Variants in TBC1D12 observed in about 807,000 individuals in gnomAD.
TBC1D12 encodes the protein TBC1 domain family, member 12.
A neutral mutation model predicts 86.7 loss-of-function variants in TBC1D12; 56 were observed. The observed-to-expected ratio is 0.65, with a 90% CI of 0.52 to 0.81. TBC1D12 has a LOEUF of 0.81. Ranked by LOEUF, TBC1D12 falls within the 30% of genes least tolerant of loss-of-function variation. TBC1D12 has a pLI of 0.00. For missense variants in TBC1D12, 1,023 were observed against 1,038.8 expected, an observed-to-expected ratio of 0.98 and a Z score of 0.21; for synonymous variants, 421 against 411.7, an observed-to-expected ratio of 1.02 and a Z score of -0.27.
chr10:94,498,217 T>C (rs1217004669), intron 5 of TBC1D12, among the ~76,000 whole-genome samples: 1 of 152,174 alleles, frequency 6.6e-6, no homozygotes, highest in African/African-American at 2.4e-5. Flanking sequence ...AATATATAAA[T>C]GTATTAGAAG....
At chr10:94,511,238 C>G (rs960067787) in intron 8 of TBC1D12, among the ~76,000 whole-genome samples, 3 of 151,278 alleles carry the variant, frequency 2.0e-5, no homozygotes, top group Non-Finnish European at 4.4e-5. Context: ...GCTGGAATTA[C>G]AGGCGTATGA....
intron 11 of TBC1D12, among the ~76,000 whole-genome samples, chr10:94,525,853 G>A (rs1306773297): frequency 4.0e-5 from 6 of 151,894 alleles, no homozygotes; most frequent in Admixed American, 6.6e-5. Context: ...TATCCATGGG[G>A]TACATAGTGA....
At chr10:94,422,579 T>C (rs2055090465) in intron 1 of TBC1D12, among the ~76,000 whole-genome samples, 1 of 152,100 alleles carries the variant, frequency 6.6e-6, no homozygotes, top group Non-Finnish European at 1.5e-5. Context: ...AAACAGTTTG[T>C]TTATTAATTT....
chr10:94,414,338 G>A (rs2054969793), intron 1 of TBC1D12, among the ~76,000 whole-genome samples: 1 of 152,206 alleles, frequency 6.6e-6, no homozygotes, highest in South Asian at 2.1e-4. Context: ...GAATGAGTTT[G>A]AAGATATTCG....
At chr10:94,487,127 CT>C (rs2056175498) in intron 3 of TBC1D12, among the ~76,000 whole-genome samples, 1 of 151,934 alleles carries the variant, frequency 6.6e-6, no homozygotes, top group Admixed American at 6.6e-5. Context: ...TATAGCGACT[CT>C]TTCTCCTTTT....
At chr10:94,432,226 G>A (rs2055227294) in intron 1 of TBC1D12, among the ~76,000 whole-genome samples, 1 of 152,116 alleles carries the variant, frequency 6.6e-6, no homozygotes, top group African/African-American at 2.4e-5. Context: ...TGAGACATCA[G>A]CTTTTCAGGC....
chr10:94,521,508 T>G (rs938591454), intron 9 of TBC1D12, among the ~76,000 whole-genome samples: 1 of 152,170 alleles, frequency 6.6e-6, no homozygotes, highest in Non-Finnish European at 1.5e-5. Flanking sequence ...AACGTCTCCT[T>G]TCTTGGTATT....
intron 2 of TBC1D12, among the ~76,000 whole-genome samples, chr10:94,471,569 CTTTG>C (rs1185832767): frequency 3.3e-5 from 5 of 152,150 alleles, no homozygotes; most frequent in Non-Finnish European, 7.4e-5. Context: ...TGATCCATGC[CTTTG>C]TTTGCTCCTG....
At chr10:94,458,771 G>T (rs576719418) in intron 2 of TBC1D12, among the ~76,000 whole-genome samples, 1 of 152,142 alleles carries the variant, frequency 6.6e-6, no homozygotes, top group East Asian at 1.9e-4. Context: ...GGAGTTGTTC[G>T]TTCCTTCCAT....
intron 11 of TBC1D12, among the ~76,000 whole-genome samples, chr10:94,524,230 A>G (rs1185914622): frequency 6.6e-6 from 1 of 152,156 alleles, no homozygotes; most frequent in African/African-American, 2.4e-5. Context: ...GAGACTCACA[A>G]GGGGAGATTT....
At chr10:94,527,135 C>T (rs1359936782) in intron 11 of TBC1D12, among the ~76,000 whole-genome samples, 2 of 146,894 alleles carry the variant, frequency 1.4e-5, no homozygotes, top group African/African-American at 5.4e-5. Flanking sequence ...CTCTGTTGCC[C>T]AGGCTGGAGT....
chr10:94,492,260 T>A (rs2056255871), intron 3 of TBC1D12, among the ~76,000 whole-genome samples: 1 of 152,130 alleles, frequency 6.6e-6, no homozygotes, highest in Non-Finnish European at 1.5e-5. Context: ...CCACTGGAGG[T>A]CTTGGAACAT....
At chr10:94,432,496 G>T (rs532793638) in intron 1 of TBC1D12, among the ~76,000 whole-genome samples, 3 of 152,254 alleles carry the variant, frequency 2.0e-5, no homozygotes, top group African/African-American at 7.2e-5. Context: ...AATAGTGTTT[G>T]TGGCAGGGAA....
chr10:94,502,054 C>T (rs760148615), intron 6 of TBC1D12, among the ~76,000 whole-genome samples: 4 of 151,696 alleles, frequency 2.6e-5, no homozygotes, highest in Admixed American at 1.3e-4. Context: ...ATAATTTGGC[C>T]AGGCGCGGTG....
intron 2 of TBC1D12, among the ~76,000 whole-genome samples, chr10:94,455,742 C>T (rs1465899374): frequency 2.0e-5 from 3 of 152,072 alleles, no homozygotes; most frequent in Non-Finnish European, 2.9e-5. Flanking sequence ...CCAGCCTGGC[C>T]GACGTGGTGA....
intron 11 of TBC1D12, among the ~76,000 whole-genome samples, chr10:94,524,726 A>T (rs1054949689): frequency 2.0e-5 from 3 of 149,622 alleles, no homozygotes; most frequent in African/African-American, 7.4e-5. Context: ...GCGAGACTCC[A>T]TTAAAAAAAA....
chr10:94,529,662 A>G (rs781659532), intron 11 of TBC1D12, among the ~76,000 whole-genome samples: 8 of 152,238 alleles, frequency 5.3e-5, no homozygotes, highest in Non-Finnish European at 8.8e-5. Flanking sequence ...GTCCCCCAAG[A>G]GCATTAGAGT....
chr10:94,407,093 G>A (rs1293472945), intron 1 of TBC1D12, among the ~76,000 whole-genome samples: 1 of 152,140 alleles, frequency 6.6e-6, no homozygotes, highest in Non-Finnish European at 1.5e-5. Context: ...AGTAAAGAGG[G>A]GGGAGCATTT....
chr10:94,406,651 C>A (rs1424369338), intron 1 of TBC1D12, among the ~76,000 whole-genome samples: 3 of 152,174 alleles, frequency 2.0e-5, no homozygotes, highest in Non-Finnish European at 4.4e-5. Flanking sequence ...TGAAAATAAT[C>A]AGAAATTACC....
Sources: allele counts gnomAD v4.1 joint callset (sites outside exome capture counted in the v4.1 genomes callset), GRCh38; gene constraint gnomAD v4.1.1; transcripts MANE v1.5; gene names NCBI Gene and HGNC (gene_info 2026-07-23, HGNC 2026-07-21).